Variants in SHROOM2 observed in about 807,000 individuals in gnomAD.
SHROOM2 encodes shroom family member 2.
In SHROOM2, 33 loss-of-function variants were observed where a neutral mutation model predicts 75.9. That is an observed-to-expected ratio of 0.43 (90% CI 0.33 to 0.58). The LOEUF (loss-of-function observed/expected upper bound fraction) is 0.58, where lower values mean the gene tolerates loss of function less well. SHROOM2 is among the 20% of genes least tolerant of loss of function. The pLI, the probability that SHROOM2 is intolerant of heterozygous loss-of-function variation, is 0.04. For synonymous variants in SHROOM2, 655 were observed against 663.6 expected, an observed-to-expected ratio of 0.99 and a Z score of 0.20; for missense variants, 1,434 against 1,461.2, an observed-to-expected ratio of 0.98 and a Z score of 0.30.
chrX:9,839,874 C>T (rs886944356), intron 1 of SHROOM2, among the ~76,000 whole-genome samples: 2 of 112,068 alleles, frequency 1.8e-5, no homozygotes, highest in African/African-American at 6.5e-5. Flanking sequence ...GAGAGAAGGG[C>T]GCTCCAGCCT....
rs1409028138 is a variant in SHROOM2 at position 9,944,564 on chromosome X, G to A, written c.4312-77G>A. The stretch of plus-strand genomic sequence containing the variant: ...CCTTTCACGTAGGTGCGCCAAGGTG[G>A]CAGTGAGCAGTGTGGCCGGGGTGGG... On this transcript the variant is annotated intron_variant, in intron 8 of 9. Transcript: ENST00000380913. 15 of 1,045,168 alleles carry A rather than the reference G, an allele frequency of 1.4e-5. No individual in the cohort carries two copies. The Admixed American group carries it at 4.3e-4, about 30-fold the overall frequency. 86.1% of individuals were successfully genotyped at this position (1,045,168 alleles called of 1,213,427 possible).
At chrX:9,836,397 G>A (rs778018794) in intron 1 of SHROOM2, among the ~76,000 whole-genome samples, 1 of 110,311 alleles carries the variant, frequency 9.1e-6, no homozygotes, top group African/African-American at 3.3e-5. Flanking sequence ...TTCTGGGCCC[G>A]GTTTAGCATC....
chrX:9,858,210 CT>C lies in SHROOM2; in HGVS notation c.166-15441del, dbSNP rs2084083386. Among the ~76,000 whole-genome samples the C allele has an allele frequency of 2.7e-5, 3 of 111,780 alleles. No individual in the cohort carries two copies. In the South Asian group the frequency reaches 1.1e-3, roughly 42 times the overall value. ...TCACTCCAGAGAAAGGTGCAGCAGC[CT>C]CGGCTCAGTGCCCCCTAGGCCTCCC... On this transcript the variant is annotated intron_variant, in intron 1 of 9. Transcript: ENST00000380913.
intron 1 of SHROOM2, among the ~76,000 whole-genome samples, chrX:9,798,811 A>C (rs1249170076): frequency 8.9e-6 from 1 of 112,483 alleles, no homozygotes; most frequent in African/African-American, 3.2e-5. Flanking sequence ...TTGTATGTGC[A>C]GCTTTTCTTA....
rs1036132872 is a variant in SHROOM2 at position 9,895,907 on chromosome X, T to C, written c.1999T>C (p.Leu667=). The C allele has an allele frequency of 4.2e-6, 5 of 1,196,274 alleles. No individual in the cohort carries two copies. In the South Asian group the frequency reaches 7.3e-5, roughly 18 times the overall value. The change falls in exon 4 of 10, where the codon TTG becomes CTG. Residue 667 remains leucine (L), a synonymous_variant. Transcript: ENST00000380913. ...EDGTGRWRAG[L]GGGTQEGPLA... is the part of the protein sequence containing the mutation. ...TGGCACCGGCCGCTGGAGGGCCGGG[T>C]TGGGAGGTGGCACCCAGGAAGGACC...
chrX:9,895,196 C>G lies in SHROOM2; in HGVS notation c.1288C>G (p.Pro430Ala). The G allele has an allele frequency of 8.3e-7, 1 of 1,211,029 alleles. No homozygotes were observed. The highest frequency in any genetic ancestry group is 2.2e-5 in the Admixed American group (1 of 46,026). The change falls in exon 4 of 10, where the codon CCC becomes GCC. Residue 430 changes from proline to alanine, a missense_variant. By Grantham distance (27) the Pro-to-Ala change is conservative. Coordinates refer to ENST00000380913, the MANE Select transcript of SHROOM2 (RefSeq NM_001649.4). ...GTCTCCTCATAGCGGCCGACACCCT[C>G]CCCTATACAGCGACCACAGCCCCCT... The part of the protein sequence containing the change: ...PQSPHSGRHP[P>A]LYSDHSPLCA...
Position 9,894,701 on chromosome X carries a change from C to T in SHROOM2, c.793C>T (p.Leu265Phe), listed in dbSNP as rs2084314360. 12 of 1,210,640 alleles carry T rather than the reference C, an allele frequency of 9.9e-6. No homozygotes were observed. The African/African-American group carries it at 1.0e-4, about 10-fold the overall frequency. ...CGACCCTCAGGGCTCGGAGGAGAAG[C>T]TCAGTTGTTTCCCGCCCAGGGTCCC... ...AGDPQGSEEK[L>F]SCFPPRVPGD... Residue 265 changes from leucine to phenylalanine, a missense_variant, in exon 4 of 10, where the codon CTC (leucine) becomes TTC (phenylalanine). Leu to Phe is a conservative substitution (Grantham distance 22). This residue lies in a region of SHROOM2 where 1,340 missense variants were observed against 1,338.3 expected (regional missense o/e 1.00). Transcript: ENST00000380913.
At chrX:9,925,961 A>G in intron 5 of SHROOM2, among the ~76,000 whole-genome samples, 1 of 110,768 alleles carries the variant, frequency 9.0e-6, no homozygotes, top group Non-Finnish European at 1.9e-5. Flanking sequence ...GGTGTGTTGC[A>G]TGGTGTTATG....
chrX:9,856,551 T>TA (rs1251586592), intron 1 of SHROOM2, among the ~76,000 whole-genome samples: 47 of 111,919 alleles, frequency 4.2e-4, no homozygotes, highest in Non-Finnish European at 8.3e-4. Context: ...CATCTGGACT[T>TA]ATATAATGAT....
At chrX:9,945,301 G>T (rs1243444509) in intron 9 of SHROOM2, among the ~76,000 whole-genome samples, 1 of 110,059 alleles carries the variant, frequency 9.1e-6, no homozygotes, top group Non-Finnish European at 1.9e-5. Flanking sequence ...GGTAGAGATG[G>T]GATTTCACTA....
rs762314543 is a variant in SHROOM2 at position 9,937,317 on chromosome X, C to T, written c.3771C>T (p.Tyr1257=). The change falls in exon 7 of 10, where the codon TAC becomes TAT. Residue 1257 remains tyrosine, a synonymous_variant. Transcript: ENST00000380913. ...CGCTGAGCACATCTGAGCAGTTCTACTCGCGCTTCTGTCTGTACACGCGGC... is the reference window on the plus strand; with the variant it reads ...CGCTGAGCACATCTGAGCAGTTCTATTCGCGCTTCTGTCTGTACACGCGGC... ...IKTLSTSEQF[Y]SRFCLYTRQG... The T allele has an allele frequency of 2.5e-6, 3 of 1,207,999 alleles. No homozygotes were observed. The highest frequency in any genetic ancestry group is 3.4e-6 in the Non-Finnish European group (3 of 893,650).
At chrX:9,944,542 T>C in intron 8 of SHROOM2, 99 bp from the exon 9 acceptor site, 2 of 905,252 alleles carry the variant, frequency 2.2e-6, no homozygotes, top group East Asian at 6.8e-5. Flanking sequence ...AGCTGCACCT[T>C]TCACGTAGGT....
At chrX:9,801,070 T>G (rs2083721750) in intron 1 of SHROOM2, among the ~76,000 whole-genome samples, 1 of 111,728 alleles carries the variant, frequency 9.0e-6, no homozygotes, top group East Asian at 2.8e-4. Context: ...CACAGTTCCA[T>G]GTGGCTGGGG....
chrX:9,789,572 CCATT>C (rs943634169), intron 1 of SHROOM2, among the ~76,000 whole-genome samples: 2 of 111,150 alleles, frequency 1.8e-5, no homozygotes, highest in Non-Finnish European at 3.8e-5. Context: ...CTGTTCCCAT[CCATT>C]CAACCAGTGG....
At chrX:9,934,581 T>C (rs947165907) in intron 6 of SHROOM2, among the ~76,000 whole-genome samples, 3 of 111,026 alleles carry the variant, frequency 2.7e-5, no homozygotes, top group African/African-American at 6.6e-5. Flanking sequence ...AATGTGTGAG[T>C]TGATGAGGGC....
intron 5 of SHROOM2, among the ~76,000 whole-genome samples, chrX:9,914,854 C>G (rs2084473507): frequency 8.9e-6 from 1 of 111,792 alleles, no homozygotes; most frequent in East Asian, 2.8e-4. Context: ...ACTAATGGGT[C>G]GAGGTCCTCC....
At chrX:9,834,822 A>G (rs958565297) in intron 1 of SHROOM2, among the ~76,000 whole-genome samples, 10 of 111,680 alleles carry the variant, frequency 9.0e-5, no homozygotes, top group African/African-American at 2.9e-4. Context: ...TGAGCCAGGT[A>G]GAGAGGGGTG....
intron 1 of SHROOM2, among the ~76,000 whole-genome samples, chrX:9,791,680 C>T (rs2083648450): frequency 9.0e-6 from 1 of 111,380 alleles, no homozygotes. Flanking sequence ...TTGCCTGTTG[C>T]TCTTTTAGGC....
intron 5 of SHROOM2, among the ~76,000 whole-genome samples, chrX:9,904,099 G>A (rs1051078842): frequency 9.0e-6 from 1 of 111,144 alleles, no homozygotes; most frequent in Non-Finnish European, 1.9e-5. Flanking sequence ...TGTGCAAAAG[G>A]AGGGTGAAAG....
Sources: gnomAD v4.1 joint callset for allele counts (sites outside exome capture counted in the v4.1 genomes callset) on GRCh38, gnomAD v4.1.1 for gene constraint, gnomAD v4.1.1 regional missense constraint, MANE v1.5 for transcripts, NCBI Gene and HGNC (gene_info 2026-07-23, HGNC 2026-07-21) for gene names.